Variants in KLF12 observed in about 807,000 individuals in gnomAD.
KLF12 encodes KLF transcription factor 12, also known as Krueppel-like factor 12.
In KLF12, 9 loss-of-function variants were observed where a neutral mutation model predicts 37.8. That is an observed-to-expected ratio of 0.24 (90% CI 0.14 to 0.42). The LOEUF (loss-of-function observed/expected upper bound fraction) is 0.42. Among genes scored for constraint, KLF12 ranks in the 10% least tolerant of loss-of-function variants. The pLI, the probability that KLF12 is intolerant of heterozygous loss-of-function variation, is 1.00. For synonymous variants in KLF12, 208 were observed against 202.1 expected (o/e 1.03, Z -0.25); for missense variants, 411 against 516.0 (o/e 0.80, Z 1.97).
At chr13:74,207,221 G>A in the KLF12 span, among the ~76,000 whole-genome samples, 1 of 152,146 alleles carries the variant, frequency 6.6e-6, no homozygotes, top group African/African-American at 2.4e-5. Flanking sequence ...AGCCCTCATG[G>A]CCTAATGTCC....
intron 4 of KLF12, among the ~76,000 whole-genome samples, chr13:73,817,173 CAG>C (rs1883268151): frequency 6.6e-6 from 1 of 151,366 alleles, no homozygotes; most frequent in South Asian, 2.1e-4. Flanking sequence ...AAAACATCAG[CAG>C]AGTGTGGTGG....
At chr13:73,789,813 A>C (rs1220760276) in intron 5 of KLF12, among the ~76,000 whole-genome samples, 2 of 151,888 alleles carry the variant, frequency 1.3e-5, no homozygotes. Context: ...AGTAGCTGGG[A>C]CTACAGGCGT....
chr13:73,833,105 G>A (rs2138594280), intron 4 of KLF12, among the ~76,000 whole-genome samples: 2 of 152,296 alleles, frequency 1.3e-5, no homozygotes, highest in South Asian at 4.1e-4. Context: ...CCCTGAGTGG[G>A]AAATGAAATT....
chr13:73,749,478 A>G (rs928178371), intron 6 of KLF12, among the ~76,000 whole-genome samples: 12 of 152,186 alleles, frequency 7.9e-5, no homozygotes, highest in Non-Finnish European at 1.6e-4. Context: ...CAGCCAAAGG[A>G]AAAAGATTTT....
chr13:73,819,929 T>TGAGG (rs1883431363), intron 4 of KLF12, among the ~76,000 whole-genome samples: 1 of 152,078 alleles, frequency 6.6e-6, no homozygotes. Flanking sequence ...TTCATGTGCC[T>TGAGG]GAGGACCTGC....
At chr13:73,804,803 T>A (rs1178775460) in intron 5 of KLF12, among the ~76,000 whole-genome samples, 1 of 152,156 alleles carries the variant, frequency 6.6e-6, no homozygotes, top group Non-Finnish European at 1.5e-5. Flanking sequence ...AATATCTGAG[T>A]CAAAGAATAT....
chr13:74,068,337 T>C (rs1874035264), intron 1 of KLF12, among the ~76,000 whole-genome samples: 2 of 152,188 alleles, frequency 1.3e-5, no homozygotes, highest in Admixed American at 1.3e-4. Context: ...CTATCCTAAT[T>C]GTACTACAAT....
At chr13:73,974,396 C>T (rs576512722) in intron 2 of KLF12, among the ~76,000 whole-genome samples, 2 of 151,798 alleles carry the variant, frequency 1.3e-5, no homozygotes, top group East Asian at 3.9e-4. Flanking sequence ...TGGTCTCACC[C>T]TTCCATTAGG....
In KLF12 at chr13:73,690,124, C is replaced by T. The variant is rs1474309422; in HGVS notation, c.*5366G>A. 1 of 152,450 alleles carries T rather than the reference C, an allele frequency of 6.6e-6. No homozygotes were observed. The highest frequency in any genetic ancestry group is 2.1e-4 in the South Asian group (1 of 4,814). 9.4% of individuals were successfully genotyped at this position (152,450 alleles called of 1,614,324 possible). ...TACTATGTGTATGTATTTACTCTCT[C>T]TGTGTGTATGTGTGTGTGTGTTCAC... On this transcript the variant is annotated 3_prime_UTR_variant, in exon 8 of 8. Transcript: ENST00000377669.
intron 3 of KLF12, among the ~76,000 whole-genome samples, chr13:73,906,470 T>A (rs943561361): frequency 1.3e-5 from 2 of 152,210 alleles, no homozygotes; most frequent in East Asian, 1.9e-4. Flanking sequence ...TCCATTTTTT[T>A]ATTTCTACAA....
chr13:74,254,238 C>A, the KLF12 span, among the ~76,000 whole-genome samples: 1 of 152,090 alleles, frequency 6.6e-6, no homozygotes, highest in Admixed American at 6.5e-5. Flanking sequence ...AGTGGACTTT[C>A]TTGGTACCAA....
At chr13:74,136,966 CA>C (rs1475493565), upstream of KLF12, among the ~76,000 whole-genome samples, 9 of 152,038 alleles carry the variant, frequency 5.9e-5, no homozygotes, top group Non-Finnish European at 1.0e-4. Flanking sequence ...TGTAAAAGAG[CA>C]AAAACATTTG....
chr13:74,022,096 T>C (rs1892856223), intron 1 of KLF12, among the ~76,000 whole-genome samples: 1 of 152,106 alleles, frequency 6.6e-6, no homozygotes, highest in African/African-American at 2.4e-5. Context: ...TTAGATATTC[T>C]AAATATACTG....
intron 1 of KLF12, among the ~76,000 whole-genome samples, chr13:74,040,089 C>T (rs1893360935): frequency 6.6e-6 from 1 of 152,174 alleles, no homozygotes; most frequent in Non-Finnish European, 1.5e-5. Context: ...TTCAAATTTT[C>T]CCTAATAAAT....
At chr13:74,126,090 A>G (rs779162331) in intron 1 of KLF12, among the ~76,000 whole-genome samples, 10 of 152,272 alleles carry the variant, frequency 6.6e-5, no homozygotes, top group Non-Finnish European at 1.0e-4. Flanking sequence ...CATAGTGCAT[A>G]TAGCACATAT....
intron 1 of KLF12, among the ~76,000 whole-genome samples, chr13:74,114,255 A>G (rs1877151737): frequency 6.6e-6 from 1 of 152,200 alleles, no homozygotes; most frequent in Non-Finnish European, 1.5e-5. Flanking sequence ...ACCCTCCACC[A>G]GCAAAAAGAT....
At chr13:74,061,103 T>C (rs141053883) in intron 1 of KLF12, among the ~76,000 whole-genome samples, 4 of 152,318 alleles carry the variant, frequency 2.6e-5, no homozygotes, top group East Asian at 3.9e-4. Flanking sequence ...ACATTCATCA[T>C]AGCAAGAGTT....
intron 2 of KLF12, among the ~76,000 whole-genome samples, chr13:73,986,055 T>C (rs914268648): frequency 4.6e-5 from 7 of 152,208 alleles, no homozygotes; most frequent in African/African-American, 1.7e-4. Flanking sequence ...CAAGAGCTTT[T>C]AACGAGATAA....
chr13:74,199,551 T>C, the KLF12 span, among the ~76,000 whole-genome samples: 55 of 152,276 alleles, frequency 3.6e-4, no homozygotes, highest in Admixed American at 1.9e-3. Flanking sequence ...CACAAGAATA[T>C]TACATCTCAA....
Sources: allele counts gnomAD v4.1 joint callset (sites outside exome capture counted in the v4.1 genomes callset), GRCh38; gene constraint gnomAD v4.1.1; transcripts MANE v1.5; gene names NCBI Gene and HGNC (gene_info 2026-07-23, HGNC 2026-07-21).